PCLO: variants seen among roughly 807,000 people sequenced by gnomAD.
The protein encoded by PCLO is protein piccolo.
PCLO carries 82 observed loss-of-function variants against 427.5 expected under a neutral mutation model. The ratio of observed to expected loss-of-function variants is 0.19; its 90% CI spans 0.16 to 0.23. PCLO has a LOEUF of 0.23. PCLO is among the 10% of genes least tolerant of loss of function. The pLI is 1.00. For synonymous variants in PCLO, 2,357 were observed against 2,155.4 expected (o/e 1.09, Z -2.59); for missense variants, 6,239 against 6,115.9 (o/e 1.02, Z -0.67).
intron 3 of PCLO, among the ~76,000 whole-genome samples, chr7:83,112,035 T>G (rs1791016537): frequency 1.4e-5 from 1 of 73,728 alleles, no homozygotes; most frequent in Non-Finnish European, 3.5e-5. Flanking sequence ...AATGTCTGGG[T>G]TTTTTTGTTG....
At chr7:83,111,263 T>C (rs538238068) in intron 3 of PCLO, among the ~76,000 whole-genome samples, 1 of 152,350 alleles carries the variant, frequency 6.6e-6, no homozygotes, top group Non-Finnish European at 1.5e-5. Flanking sequence ...CCAAGATTTC[T>C]GCCTTCTGGA....
chr7:82,948,899 T>C (rs1795265331), intron 6 of PCLO, among the ~76,000 whole-genome samples: 1 of 152,196 alleles, frequency 6.6e-6, no homozygotes, highest in Non-Finnish European at 1.5e-5. Context: ...TATATCACAC[T>C]TTTATCTGCC....
Position 82,805,819 on chromosome 7 carries a change from G to T in PCLO, c.14802C>A (p.Pro4934=). 1 of 1,601,390 alleles carries T rather than the reference G, an allele frequency of 6.2e-7. No individual in the cohort carries two copies. Reference sequence around the variant, plus strand: ...CAGAGCTTTCTGCAGGCCGGTGATTGGGAGGCTTTGCTGCATGGTGTGGGA... The same window carrying T: ...CAGAGCTTTCTGCAGGCCGGTGATTTGGAGGCTTTGCTGCATGGTGTGGGA... The part of the protein sequence containing the change: ...QQLRIQPTKP[P]NHRPAESSVS... The change falls in exon 21 of 25, where the codon CCC becomes CCA. Residue 4934 remains proline, a synonymous_variant. Coordinates refer to ENST00000333891, the MANE Select transcript of PCLO (RefSeq NM_033026.6).
intron 3 of PCLO, among the ~76,000 whole-genome samples, chr7:83,068,387 C>T (rs983462779): frequency 5.3e-5 from 8 of 151,886 alleles, no homozygotes; most frequent in Admixed American, 2.0e-4. Flanking sequence ...AAAATATATA[C>T]GGAACTCACA....
chr7:82,776,903 TACGC>T (rs1156257105), intron 22 of PCLO, among the ~76,000 whole-genome samples: 6 of 146,314 alleles, frequency 4.1e-5, no homozygotes, highest in Non-Finnish European at 8.9e-5. Context: ...TATATAGATA[TACGC>T]ACACACACAC....
intron 18 of PCLO, 64 bp downstream of exon 18, chr7:82,826,525 G>C: frequency 9.6e-7 from 1 of 1,046,440 alleles, no homozygotes; most frequent in Non-Finnish European, 1.5e-6. Context: ...AACATGCTTT[G>C]CATCGTGCTT....
chr7:82,968,633 C>T (rs1795833083), intron 3 of PCLO, among the ~76,000 whole-genome samples: 1 of 151,392 alleles, frequency 6.6e-6, no homozygotes, highest in African/African-American at 2.4e-5. Flanking sequence ...AATTCTCCTG[C>T]CTCAGTCTCC....
At chr7:83,015,279 G>T (rs75292237) in intron 3 of PCLO, among the ~76,000 whole-genome samples, 2,794 of 151,740 alleles carry the variant, frequency 0.018, 104 homozygotes, top group African/African-American at 0.065. Flanking sequence ...AACAGTTCTG[G>T]ACCCTGTGAA....
chr7:83,068,662 C>T (rs992420246), intron 3 of PCLO, among the ~76,000 whole-genome samples: 1 of 152,074 alleles, frequency 6.6e-6, no homozygotes, highest in Non-Finnish European at 1.5e-5. Context: ...AAACAGAGCC[C>T]TTGTACACTG....
Position 82,949,711 on chromosome 7 carries a change from G to A in PCLO, c.10877C>T (p.Pro3626Leu). The A allele has an allele frequency of 6.2e-7, 1 of 1,613,790 alleles. No homozygotes were observed. Among genetic ancestry groups the A allele is most frequent in the Non-Finnish European group, 8.5e-7 (1 of 1,179,826 alleles). ...PPKSPKVLYS[P>L]ISPLSPGKAL... ...TTTGCCTGGTGAAAGTGGTGAGATG[G>A]GTGAGTAAAGGACTTTGGGGGATTT... The change falls in exon 6 of 25, where the codon CCC becomes CTC. Residue 3626 changes from proline to leucine, a missense_variant. Coordinates refer to ENST00000333891, the MANE Select transcript of PCLO (RefSeq NM_033026.6).
At chr7:82,850,881 C>T (rs532735299) in intron 10 of PCLO, among the ~76,000 whole-genome samples, 16 of 152,202 alleles carry the variant, frequency 1.1e-4, no homozygotes, top group African/African-American at 3.8e-4. Context: ...ATCATTCACA[C>T]AGGAGGAAGT....
At chr7:83,057,149 T>C (rs1439230404) in intron 3 of PCLO, among the ~76,000 whole-genome samples, 2 of 149,430 alleles carry the variant, frequency 1.3e-5, no homozygotes, top group African/African-American at 4.9e-5. Context: ...AGTGGCGCAA[T>C]GTCGGCTCAC....
At chr7:83,083,850 T>C (rs563985676) in intron 3 of PCLO, among the ~76,000 whole-genome samples, 1 of 152,284 alleles carries the variant, frequency 6.6e-6, no homozygotes, top group East Asian at 1.9e-4. Context: ...TTTCTTGATA[T>C]ATCTTTTAAA....
intron 3 of PCLO, among the ~76,000 whole-genome samples, chr7:83,006,787 C>A (rs1461685476): frequency 6.6e-6 from 1 of 151,108 alleles, no homozygotes; most frequent in Non-Finnish European, 1.5e-5. Context: ...TGTTACCTAC[C>A]CCTTCCTTGT....
chr7:82,982,874 G>C (rs763697032), intron 3 of PCLO, among the ~76,000 whole-genome samples: 10 of 151,814 alleles, frequency 6.6e-5, no homozygotes, highest in Non-Finnish European at 1.5e-4. Flanking sequence ...TGCTCCCATA[G>C]TGAGGTGCTC....
chr7:82,967,764 G>A (rs1795812291), intron 3 of PCLO, among the ~76,000 whole-genome samples: 1 of 152,158 alleles, frequency 6.6e-6, no homozygotes, highest in Non-Finnish European at 1.5e-5. Context: ...TGATTGATGT[G>A]TGTTGCATTT....
chr7:83,038,039 T>TCTA, intron 3 of PCLO, among the ~76,000 whole-genome samples: 1 of 23,368 alleles, frequency 4.3e-5, no homozygotes, highest in African/African-American at 3.1e-4. Context: ...ATTTATATAT[T>TCTA]TATATATATA....
intron 1 of PCLO, among the ~76,000 whole-genome samples, chr7:83,158,105 T>C (rs546086779): frequency 6.6e-6 from 1 of 152,168 alleles, no homozygotes; most frequent in Non-Finnish European, 1.5e-5. Context: ...AACGTATGCA[T>C]AAAGTGATTT....
chr7:83,122,286 C>CTTT (rs71074624), intron 3 of PCLO, among the ~76,000 whole-genome samples: 3 of 128,302 alleles, frequency 2.3e-5, no homozygotes, highest in Non-Finnish European at 4.9e-5. Context: ...CTTTTCTTTT[C>CTTT]TTTTTTTTTT....
Sources: allele counts gnomAD v4.1 joint callset (sites outside exome capture counted in the v4.1 genomes callset), GRCh38; gene constraint gnomAD v4.1.1; transcripts MANE v1.5; gene names NCBI Gene and HGNC (gene_info 2026-07-23, HGNC 2026-07-21).